DHPS: variants seen among roughly 807,000 people sequenced by gnomAD.
DHPS encodes migration-inducing gene 13.
Under a neutral mutation model 38.7 loss-of-function variants are expected in DHPS, and 24 were observed. That is an observed-to-expected ratio of 0.62 (90% confidence interval 0.45 to 0.87). The LOEUF is 0.87. DHPS is among the 40% of genes least tolerant of loss of function. The pLI, the probability that DHPS is intolerant of heterozygous loss-of-function variation, is 0.00. For missense variants in DHPS, 510 were observed against 497.6 expected, an observed-to-expected ratio of 1.02 and a Z score of -0.24; for synonymous variants, 250 against 204.4, an observed-to-expected ratio of 1.22 and a Z score of -1.90.
At chr19:12,673,214 T>G (rs776914971), downstream of DHPS, 1 of 1,613,936 alleles carries the variant, frequency 6.2e-7, no homozygotes, top group South Asian at 1.1e-5. Context: ...ACAAGGGCCA[T>G]AAGAACCAGG....
chr19:12,677,363 C>T lies in DHPS; in HGVS notation c.712G>A (p.Asp238Asn), dbSNP rs2024637632. 1 of 1,614,012 alleles carries T rather than the reference C, an allele frequency of 6.2e-7. No homozygotes were observed. Residue 238 changes from aspartate to asparagine, a missense_variant, in exon 6 of 9, where the codon GAC becomes AAC. By Grantham distance (23) the Asp-to-Asn change is conservative. Coordinates refer to ENST00000210060, the MANE Select transcript of DHPS (RefSeq NM_001930.4). ...AAGATCATGTCGCCCAGCGAGCCGT[C>T]TGTAAGTGCGGGACTAAACACAGGG... ...HIPVFSPALT[D>N]GSLGDMIFFH...
Position 12,681,681 on chromosome 19 carries a change from G to A in DHPS, c.86C>T (p.Thr29Ile), listed in dbSNP as rs1302489584. 2 of 1,614,058 alleles carry A rather than the reference G, an allele frequency of 1.2e-6. No individual in the cohort carries two copies. Among genetic ancestry groups the A allele is most frequent in the East Asian group, 2.2e-5 (1 of 44,894 alleles). Residue 29 changes from threonine (T) to isoleucine (I), a missense_variant, in exon 1 of 9, where the codon ACC (threonine) becomes ATC (isoleucine). Transcript: ENST00000210060. ...GTTGAAGTCGTAGCCCCGGACCTGG[G>A]TGCTTTCGGGCGGCAACGTCGAGCT... The part of the protein sequence containing the change: ...KHSSTLPPES[T>I]QVRGYDFNRG...
chr19:12,673,255 G>GT (rs750811993), downstream of DHPS: 6 of 1,613,876 alleles, frequency 3.7e-6, no homozygotes, highest in African/African-American at 6.7e-5. Context: ...CTGAGCGAGC[G>GT]TGACACACAT....
chr19:12,680,145 C>T lies in DHPS; in HGVS notation c.372+16G>A. ...TTGACCCAGAGGCCAAGGCCACGGC[C>T]TCACCAGGTCCCCACCATGTTGTGC... On this transcript the variant is annotated intron_variant, in intron 2 of 8. Coordinates refer to ENST00000210060, the MANE Select transcript of DHPS (RefSeq NM_001930.4). 6.2e-7 allele frequency: 1 copy of T among 1,613,416 alleles called. No individual in the cohort carries two copies. Among genetic ancestry groups the T allele is most frequent in the East Asian group, 2.2e-5 (1 of 44,864 alleles).
intron 7 of DHPS, chr19:12,676,529 G>A (rs1599378731): frequency 4.5e-6 from 1 of 223,992 alleles, no homozygotes. Context: ...ACCAGGGGGA[G>A]CATGGGAACC....
downstream of DHPS, chr19:12,673,259 C>G (rs754882978): frequency 6.2e-7 from 1 of 1,613,946 alleles, no homozygotes; most frequent in African/African-American, 1.3e-5. Context: ...GCGAGCGTGA[C>G]ACACATGTGG....
intron 7 of DHPS, chr19:12,676,435 GC>G (rs1189810324): frequency 2.6e-6 from 1 of 387,216 alleles, no homozygotes; most frequent in Admixed American, 4.3e-5. Flanking sequence ...TCCAACCACC[GC>G]CTGCCTCCTG....
chr19:12,681,786 G>A lies in DHPS; in HGVS notation c.-20C>T, dbSNP rs751906969. On this transcript the variant is annotated 5_prime_UTR_variant, in exon 1 of 9. Transcript: ENST00000210060. Reference sequence around the variant, plus strand: ...TTCCATGCGCCTATAGCCGGCTCTCGAGTCAAAGCTGCCCCTAGGCCGGGC... The same window carrying A: ...TTCCATGCGCCTATAGCCGGCTCTCAAGTCAAAGCTGCCCCTAGGCCGGGC... 2 of 1,599,278 alleles carry A rather than the reference G, an allele frequency of 1.3e-6. No individual in the cohort carries two copies. The highest frequency in any genetic ancestry group is 1.7e-6 in the Non-Finnish European group (2 of 1,176,966).
rs757086536 is a variant in DHPS at position 12,681,584 on chromosome 19, G to T, written c.183C>A (p.Arg61=). Residue 61 remains arginine, a synonymous_variant, in exon 1 of 9, where the codon CGC becomes CGA. Coordinates refer to ENST00000210060, the MANE Select transcript of DHPS (RefSeq NM_001930.4). ...TTGFQATNFG[R]AVQQVNAMIE... ...CCATGGCATTGACTTGCTGTACAGC[G>T]CGCCCGAAGTTGGTTGCTTGGAAGC... is the stretch of plus-strand genomic sequence containing the variant. The T allele has an allele frequency of 6.2e-6, 10 of 1,614,130 alleles. No individual in the cohort carries two copies. The highest frequency in any genetic ancestry group is 6.8e-6 in the Non-Finnish European group (8 of 1,180,060).
intron 5 of DHPS, among the ~76,000 whole-genome samples, chr19:12,678,988 T>A (rs1377660051): frequency 4.0e-5 from 6 of 151,302 alleles, no homozygotes; most frequent in Non-Finnish European, 8.8e-5. Flanking sequence ...GTTATCTGTG[T>A]GACTTCAGAC....
intron 1 of DHPS, chr19:12,681,067 C>G: frequency 8.5e-7 from 1 of 1,177,954 alleles, no homozygotes; most frequent in Non-Finnish European, 1.1e-6. Context: ...CTCCTCTTCT[C>G]TTGATCCACC....
chr19:12,678,344 G>A (rs1379877292), intron 5 of DHPS, among the ~76,000 whole-genome samples: 1 of 152,014 alleles, frequency 6.6e-6, no homozygotes, highest in Non-Finnish European at 1.5e-5. Context: ...GCACGCACCT[G>A]TAGTCCCAGC....
chr19:12,680,082 GC>G (rs2024749047), intron 2 of DHPS, 78 bp downstream of exon 2: 10 of 1,582,858 alleles, frequency 6.3e-6, no homozygotes, highest in Non-Finnish European at 8.6e-6. Flanking sequence ...ACCCCTATCT[GC>G]CCATCTCACT....
At position 12,677,188 on chromosome 19, in the gene DHPS, C is replaced by T. The variant is rs764762126; in HGVS notation, c.808G>A (p.Ala270Thr). 4 of 1,614,120 alleles carry T rather than the reference C, an allele frequency of 2.5e-6. No individual in the cohort carries two copies. The African/African-American group carries it at 5.3e-5, about 22-fold the overall frequency. Residue 270 changes from alanine to threonine, a missense_variant, in exon 7 of 9, where the codon GCC (alanine) becomes ACC (threonine). Physicochemically the swap from Ala to Thr is moderately conservative, Grantham distance 58 (BLOSUM62 0). Transcript: ENST00000210060. ...VEDLRLINTQ[A>T]IFAKCTGMII... ...ATCCCAGTGCACTTGGCAAAGATGGCCTGTGTGTTGATGAGCCTCAGGTCT... is the reference window on the plus strand; with the variant it reads ...ATCCCAGTGCACTTGGCAAAGATGGTCTGTGTGTTGATGAGCCTCAGGTCT...
chr19:12,678,819 T>TTC (rs1384998143), intron 5 of DHPS, among the ~76,000 whole-genome samples: 38 of 148,522 alleles, frequency 2.6e-4, no homozygotes, highest in African/African-American at 8.1e-4. Flanking sequence ...TTTTTTTTTT[T>TTC]CAGGTTCTGA....
At chr19:12,674,067 T>C (rs2024499084), downstream of DHPS, among the ~76,000 whole-genome samples, 1 of 152,130 alleles carries the variant, frequency 6.6e-6, no homozygotes, top group Admixed American at 6.5e-5. Context: ...TTAAGAGGTG[T>C]AGCCTGCGCA....
downstream of DHPS, chr19:12,672,631 A>C (rs956851330): frequency 6.9e-6 from 4 of 579,060 alleles, no homozygotes; most frequent in Non-Finnish European, 1.2e-5. Context: ...GAAAAGGGGG[A>C]ATCAGAAGGA....
At chr19:12,677,009 G>A (rs1230423469) in intron 7 of DHPS, 99 bp downstream of exon 7, 4 of 1,125,932 alleles carry the variant, frequency 3.6e-6, no homozygotes, top group East Asian at 2.5e-5. Context: ...GGGGAGCAGG[G>A]ATCCTGGCCT....
chr19:12,681,128 A>C, intron 1 of DHPS: 2 of 1,277,614 alleles, frequency 1.6e-6, no homozygotes, highest in Non-Finnish European at 1.0e-6. Context: ...CACCGCGCCC[A>C]GCCAGCCCCC....
Sources: allele counts gnomAD v4.1 joint callset (sites outside exome capture counted in the v4.1 genomes callset), GRCh38; gene constraint gnomAD v4.1.1; transcripts MANE v1.5; gene names NCBI Gene and HGNC (gene_info 2026-07-23, HGNC 2026-07-21).